PSMD4: variants seen among roughly 807,000 people sequenced by gnomAD.
PSMD4 encodes the protein 26S proteasome non-ATPase regulatory subunit 4.
In PSMD4, 5 loss-of-function variants were observed where a neutral mutation model predicts 39.7. The ratio of observed to expected loss-of-function variants is 0.13; its 90% CI spans 0.07 to 0.26. The LOEUF (loss-of-function observed/expected upper bound fraction) is 0.26, where lower values mean the gene tolerates loss of function less well. Among genes scored for constraint, PSMD4 ranks in the 10% least tolerant of loss-of-function variants. The pLI, the probability that PSMD4 is intolerant of heterozygous loss-of-function variation, is 1.00. For missense variants in PSMD4, 272 were observed against 486.1 expected (o/e 0.56, Z 4.14); for synonymous variants, 143 against 174.6 (o/e 0.82, Z 1.43).
intron 1 of PSMD4, among the ~76,000 whole-genome samples, chr1:151,258,622 A>G (rs1295607669): frequency 6.6e-6 from 1 of 151,486 alleles, no homozygotes; most frequent in Non-Finnish European, 1.5e-5. Context: ...CACCATGCCC[A>G]GCTATTTTTT....
At chr1:151,259,850 G>A (rs1693274732) in intron 1 of PSMD4, among the ~76,000 whole-genome samples, 1 of 151,790 alleles carries the variant, frequency 6.6e-6, no homozygotes, top group African/African-American at 2.4e-5. Context: ...CAAAGTGCTG[G>A]GATTACAGAC....
intron 5 of PSMD4, 55 bp downstream of exon 5, chr1:151,265,289 TCCTTAA>T: frequency 6.3e-7 from 1 of 1,595,602 alleles, no homozygotes. Flanking sequence ...AACAGAATGG[TCCTTAA>T]CCCTGAGGAG....
chr1:151,262,414 C>A, intron 2 of PSMD4, 113 bp downstream of exon 2: 1 of 1,320,508 alleles, frequency 7.6e-7, no homozygotes, highest in Non-Finnish European at 1.1e-6. Flanking sequence ...CTGCCTTCTG[C>A]ACTATTTAGT....
chr1:151,262,457 A>T (rs1693338461), intron 2 of PSMD4, 156 bp downstream of exon 2: 2 of 870,566 alleles, frequency 2.3e-6, no homozygotes, highest in Admixed American at 2.3e-5. Flanking sequence ...TTTTTGTATT[A>T]ACCTGTATTT....
intron 1 of PSMD4, among the ~76,000 whole-genome samples, chr1:151,258,635 A>AT (rs1693241306): frequency 6.6e-6 from 1 of 151,130 alleles, no homozygotes; most frequent in Non-Finnish European, 1.5e-5. Context: ...TATTTTTTGT[A>AT]TTTTTTGTAG....
At chr1:151,254,850 C>G (rs916079538) in intron 1 of PSMD4, 42 bp downstream of exon 1, 3 of 1,164,524 alleles carry the variant, frequency 2.6e-6, no homozygotes, top group Non-Finnish European at 3.4e-6. Context: ...AGCTGGGTTC[C>G]GGGCGCGTGT....
At position 151,267,324 on chromosome 1, in the gene PSMD4, A is replaced by G. The variant is rs1243919801; in HGVS notation, c.1115A>G (p.Lys372Arg). 1 of 1,613,822 alleles carries G rather than the reference A, an allele frequency of 6.2e-7. No individual in the cohort carries two copies. Among genetic ancestry groups the G allele is most frequent in the Non-Finnish European group, 8.5e-7 (1 of 1,179,828 alleles). The change falls in exon 10 of 10, where the codon AAG becomes AGG. Residue 372 changes from lysine to arginine, a missense_variant. Lys to Arg is a conservative substitution (Grantham distance 26, BLOSUM62 2). Around this residue, in one of 3 missense-constraint regions of PSMD4, gnomAD observed 113 missense variants for 184.6 expected, o/e 0.61. Transcript: ENST00000368884. ...QATKDGKKDK[K>R]EEDKK ...ACCAAGGACGGCAAGAAGGACAAGAAGGAGGAAGACAAGAAGTGAGACTGG... is the reference window on the plus strand; with the variant it reads ...ACCAAGGACGGCAAGAAGGACAAGAGGGAGGAAGACAAGAAGTGAGACTGG...
At chr1:151,266,190 A>G (rs1173962142) in intron 7 of PSMD4, 78 bp downstream of exon 7, 44 of 1,588,682 alleles carry the variant, frequency 2.8e-5, no homozygotes, top group South Asian at 8.2e-5. Flanking sequence ...CTGCAGGGAG[A>G]GTGTGGAGGT....
Position 151,265,369 on chromosome 1 carries a change from G to C in PSMD4, c.439-25G>C, listed in dbSNP as rs370967430. 6.0e-5 allele frequency: 97 copies of C among 1,611,014 alleles called. No homozygotes were observed. In the East Asian group the frequency reaches 8.9e-4, roughly 15 times the overall value. On this transcript the variant is annotated intron_variant, in intron 5 of 9. Transcript: ENST00000368884. ...AACAGGGAGCAAGGCCTGAAGAAGGGCATCATGTGTTCTTTCCTCCCCAGG... is the reference window on the plus strand; with the variant it reads ...AACAGGGAGCAAGGCCTGAAGAAGGCCATCATGTGTTCTTTCCTCCCCAGG...
chr1:151,258,551 C>T (rs918089094), intron 1 of PSMD4, among the ~76,000 whole-genome samples: 8 of 150,334 alleles, frequency 5.3e-5, no homozygotes, highest in African/African-American at 2.0e-4. Flanking sequence ...GCCTCGACCT[C>T]CGGGGCTCAA....
At chr1:151,262,136 T>C (rs1373140358) in intron 1 of PSMD4, 25 bp from the exon 2 acceptor site, 4 of 1,613,590 alleles carry the variant, frequency 2.5e-6, no homozygotes, top group Non-Finnish European at 3.4e-6. Flanking sequence ...TTCTTCTCTC[T>C]TGTCCTTCAA....
intron 1 of PSMD4, among the ~76,000 whole-genome samples, chr1:151,261,151 C>T (rs1488203750): frequency 6.7e-6 from 1 of 150,362 alleles, no homozygotes; most frequent in Admixed American, 6.6e-5. Context: ...CTGTGCCCAG[C>T]CTATTTTATA....
intron 1 of PSMD4, among the ~76,000 whole-genome samples, chr1:151,257,319 C>T (rs1421444540): frequency 6.6e-6 from 1 of 152,100 alleles, no homozygotes; most frequent in Admixed American, 6.5e-5. Flanking sequence ...TGTACCAGTG[C>T]CATGCGGTTT....
intron 2 of PSMD4, among the ~76,000 whole-genome samples, chr1:151,263,622 A>T (rs1424487660): frequency 2.0e-5 from 3 of 152,014 alleles, no homozygotes; most frequent in Middle Eastern, 3.4e-3. Flanking sequence ...AGGTCAGGAG[A>T]TCGAGACCAT....
chr1:151,265,419 C>G lies in PSMD4; in HGVS notation c.464C>G (p.Ala155Gly). 2 of 1,614,188 alleles carry G rather than the reference C, an allele frequency of 1.2e-6. No homozygotes were observed. Among genetic ancestry groups the G allele is most frequent in the East Asian group, 2.2e-5 (1 of 44,884 alleles). The change falls in exon 6 of 10, where the codon GCC becomes GGC. Residue 155 changes from alanine to glycine, a missense_variant. By Grantham distance (60) the Ala-to-Gly change is moderately conservative. Coordinates refer to ENST00000368884, the MANE Select transcript of PSMD4 (RefSeq NM_002810.4). Reference sequence around the variant, plus strand: ...GAGGTGAACACAGAAAAGCTGACAGCCTTTGTAAACACGTTGAATGGCAAA... The same window carrying G: ...GAGGTGAACACAGAAAAGCTGACAGGCTTTGTAAACACGTTGAATGGCAAA... ...EEEVNTEKLT[A>G]FVNTLNGKDG...
At chr1:151,260,909 G>A (rs1693301407) in intron 1 of PSMD4, among the ~76,000 whole-genome samples, 2 of 150,426 alleles carry the variant, frequency 1.3e-5, no homozygotes, top group African/African-American at 4.9e-5. Context: ...GCAGTGGCGT[G>A]ATCTTGACTC....
intron 1 of PSMD4, among the ~76,000 whole-genome samples, chr1:151,258,108 C>T (rs1431827472): frequency 6.6e-6 from 1 of 151,728 alleles, no homozygotes; most frequent in African/African-American, 2.4e-5. Context: ...ACTGCAACCT[C>T]CACCTCCCGG....
intron 6 of PSMD4, 103 bp from the exon 7 acceptor site, chr1:151,265,895 AAACCAG>A: frequency 7.2e-7 from 1 of 1,392,766 alleles, no homozygotes; most frequent in Non-Finnish European, 9.6e-7. Flanking sequence ...TCTGTGTGAT[AAACCAG>A]AAGCTGCCCC....
intron 1 of PSMD4, among the ~76,000 whole-genome samples, chr1:151,261,180 C>CTTTTTTTT (rs587653164): frequency 7.5e-5 from 9 of 120,000 alleles, no homozygotes; most frequent in East Asian, 2.4e-4. Context: ...TTTTCTTTTT[C>CTTTTTTTT]TTTTTTTTTT....
Sources: allele counts gnomAD v4.1 joint callset (sites outside exome capture counted in the v4.1 genomes callset), GRCh38; gene constraint gnomAD v4.1.1; regional missense constraint gnomAD v4.1.1; transcripts MANE v1.5; gene names NCBI Gene and HGNC (gene_info 2026-07-23, HGNC 2026-07-21).